The following DLG2 variants were observed in gnomAD, a reference collection of about 807,000 sequenced individuals.
DLG2 encodes the protein disks large homolog 2.
DLG2 carries 45 observed loss-of-function variants against 132.5 expected under a neutral mutation model. The ratio of observed to expected loss-of-function variants is 0.34; its 90% CI spans 0.27 to 0.44. The LOEUF (loss-of-function observed/expected upper bound fraction) is 0.44. Ranked by LOEUF, DLG2 falls within the 20% of genes least tolerant of loss-of-function variation. DLG2 has a pLI of 1.00. For synonymous variants in DLG2, 424 were observed against 419.6 expected, an observed-to-expected ratio of 1.01 and a Z score of -0.13; for missense variants, 1,045 against 1,196.9, an observed-to-expected ratio of 0.87 and a Z score of 1.87.
chr11:84,965,010 A>G (rs2053128294), intron 6 of DLG2, among the ~76,000 whole-genome samples: 1 of 152,128 alleles, frequency 6.6e-6, no homozygotes, highest in African/African-American at 2.4e-5. Context: ...TATCTTTGGA[A>G]GGAAACTTTG....
intron 19 of DLG2, among the ~76,000 whole-genome samples, chr11:83,576,283 C>CATTGTGTGTGAGA (rs2096872429): frequency 6.6e-6 from 1 of 151,792 alleles, no homozygotes; most frequent in Non-Finnish European, 1.5e-5. Flanking sequence ...TGTGAGACAC[C>CATTGTGTGTGAGA]CTCAAGTAGA....
chr11:84,182,578 A>G (rs2096166046), intron 8 of DLG2, among the ~76,000 whole-genome samples: 1 of 152,130 alleles, frequency 6.6e-6, no homozygotes, highest in South Asian at 2.1e-4. Flanking sequence ...AGAATGTATT[A>G]AAATTAATAA....
chr11:84,388,318 C>CA (rs3838782), intron 7 of DLG2, among the ~76,000 whole-genome samples: 398 of 150,890 alleles, frequency 2.6e-3, no homozygotes, highest in African/African-American at 8.7e-3. Context: ...AAGAATCTAT[C>CA]AAAAAAAAAC....
chr11:83,629,437 C>A (rs2063196444), intron 19 of DLG2, among the ~76,000 whole-genome samples: 1 of 152,220 alleles, frequency 6.6e-6, no homozygotes, highest in South Asian at 2.1e-4. Flanking sequence ...TTCCTGTGAC[C>A]TTTTTCTCCT....
chr11:83,790,359 G>C, intron 17 of DLG2: 2 of 886,422 alleles, frequency 2.3e-6, no homozygotes, highest in Non-Finnish European at 3.7e-6. Flanking sequence ...TCCCAATCAA[G>C]GAAAGAACCA....
At chr11:84,240,681 A>G (rs2097215200) in intron 8 of DLG2, among the ~76,000 whole-genome samples, 1 of 152,194 alleles carries the variant, frequency 6.6e-6, no homozygotes, top group Admixed American at 6.5e-5. Flanking sequence ...ATTGTGGACT[A>G]ATTGAACAGG....
At chr11:84,923,055 T>C (rs199509186) in intron 6 of DLG2, 1 of 1,613,872 alleles carries the variant, frequency 6.2e-7, no homozygotes, top group African/African-American at 1.3e-5. Flanking sequence ...TTGTGCCCAG[T>C]TGCCGGCTCG....
intron 9 of DLG2, among the ~76,000 whole-genome samples, chr11:84,158,258 T>C (rs1175958922): frequency 6.6e-6 from 1 of 151,972 alleles, no homozygotes; most frequent in Non-Finnish European, 1.5e-5. Flanking sequence ...AGAGATGGGG[T>C]TTCACCGTGT....
chr11:84,436,103 C>T lies in DLG2; in HGVS notation c.519+98467G>A, dbSNP rs532206233. 7.9e-5 allele frequency among the ~76,000 whole-genome samples: 12 copies of T among 152,222 alleles called. No homozygotes were observed. The South Asian group carries it at 2.5e-3, about 32-fold the overall frequency. The stretch of plus-strand genomic sequence containing the variant: ...GTTCAATATATATGATACTAGTTGA[C>T]ACATAATAGTTAGGCTTGTAATCTT... On this transcript the variant is annotated intron_variant, in intron 7 of 27. Transcript: ENST00000376104.
intron 6 of DLG2, among the ~76,000 whole-genome samples, chr11:84,626,740 C>A (rs962408178): frequency 2.6e-5 from 4 of 152,132 alleles, no homozygotes; most frequent in East Asian, 1.9e-4. Flanking sequence ...AGCAGCAAGA[C>A]CCAACTACGG....
chr11:84,172,574 G>T (rs2095849992), intron 8 of DLG2, among the ~76,000 whole-genome samples: 1 of 150,854 alleles, frequency 6.6e-6, no homozygotes, highest in South Asian at 2.1e-4. Context: ...GTGGAGTCTT[G>T]CTCTGTTGCC....
At chr11:84,983,073 T>G (rs1051728766) in intron 6 of DLG2, among the ~76,000 whole-genome samples, 2 of 152,198 alleles carry the variant, frequency 1.3e-5, no homozygotes, top group African/African-American at 2.4e-5. Flanking sequence ...TCTTATCCAG[T>G]GCAACAAGGC....
intron 2 of DLG2, among the ~76,000 whole-genome samples, chr11:85,623,912 T>C (rs1258042755): frequency 6.6e-6 from 1 of 152,234 alleles, no homozygotes; most frequent in Non-Finnish European, 1.5e-5. Flanking sequence ...TGGTCTTGCA[T>C]CATATCAGAG....
At chr11:84,034,581 C>A (rs1413004486) in intron 11 of DLG2, among the ~76,000 whole-genome samples, 1 of 152,148 alleles carries the variant, frequency 6.6e-6, no homozygotes, top group Non-Finnish European at 1.5e-5. Context: ...AGGCAGAGGT[C>A]AGTCTTGCCT....
At chr11:84,808,699 C>T (rs1335516452) in intron 6 of DLG2, among the ~76,000 whole-genome samples, 1 of 151,916 alleles carries the variant, frequency 6.6e-6, no homozygotes, top group African/African-American at 2.4e-5. Flanking sequence ...AATTTGACAA[C>T]TTAGATAAAA....
chr11:84,381,296 T>C (rs1168841434), intron 7 of DLG2, among the ~76,000 whole-genome samples: 3 of 152,010 alleles, frequency 2.0e-5, no homozygotes, highest in Non-Finnish European at 4.4e-5. Context: ...TTCTTCCATT[T>C]AACCAAGAGG....
intron 3 of DLG2, among the ~76,000 whole-genome samples, chr11:85,392,525 G>T (rs1393531709): frequency 4.0e-5 from 6 of 150,908 alleles, no homozygotes; most frequent in African/African-American, 1.5e-4. Context: ...ATTATATAAT[G>T]AAAAAGAACA....
At chr11:84,964,255 A>G (rs1174219239) in intron 6 of DLG2, among the ~76,000 whole-genome samples, 1 of 152,126 alleles carries the variant, frequency 6.6e-6, no homozygotes, top group Admixed American at 6.6e-5. Context: ...GCCCATTAAA[A>G]TGAAATTCAT....
At chr11:84,778,823 A>G (rs2071164329) in intron 6 of DLG2, among the ~76,000 whole-genome samples, 1 of 152,216 alleles carries the variant, frequency 6.6e-6, no homozygotes, top group African/African-American at 2.4e-5. Flanking sequence ...TGTGAGCACC[A>G]TCCAATCAAC....
Sources: allele counts gnomAD v4.1 joint callset (sites outside exome capture counted in the v4.1 genomes callset), GRCh38; gene constraint gnomAD v4.1.1; transcripts MANE v1.5; gene names NCBI Gene and HGNC (gene_info 2026-07-23, HGNC 2026-07-21).